Variants in UBE2J2 observed in about 807,000 individuals in gnomAD.
UBE2J2 encodes the protein ubiquitin-conjugating enzyme E2 J2.
In UBE2J2, 5 loss-of-function variants were observed where a neutral mutation model predicts 28.6. The observed-to-expected ratio is 0.17, with a 90% CI of 0.09 to 0.37. The LOEUF is 0.37. Among genes scored for constraint, UBE2J2 ranks in the 10% least tolerant of loss-of-function variants. The probability of loss-of-function intolerance (pLI) is 1.00; values close to 1 mark genes in which losing one functional copy is unlikely to be tolerated. For missense variants in UBE2J2, 226 were observed against 338.9 expected, an observed-to-expected ratio of 0.67 and a Z score of 2.62; for synonymous variants, 138 against 139.7, an observed-to-expected ratio of 0.99 and a Z score of 0.09.
At chr1:1,257,933 C>CCCT (rs1639305897) in intron 3 of UBE2J2, among the ~76,000 whole-genome samples, 1 of 152,180 alleles carries the variant, frequency 6.6e-6, no homozygotes, top group African/African-American at 2.4e-5. Flanking sequence ...ACACGTCCTC[C>CCCT]CCTCCCAAGC....
chr1:1,268,087 A>G lies in UBE2J2; in HGVS notation c.1-95T>C. ...CCCACTCCCGCCTCTGCAGCCCGCCATTCATTCAGGGCCCGGTCACCCAGA... is the reference window on the plus strand; with the variant it reads ...CCCACTCCCGCCTCTGCAGCCCGCCGTTCATTCAGGGCCCGGTCACCCAGA... On this transcript the variant is annotated intron_variant, in intron 1 of 6. Transcript: ENST00000349431. The surrounding 1 kb of genome is among the most constrained non-coding windows in gnomAD (Gnocchi z 4.7). 6.5e-7 allele frequency: 1 copy of G among 1,536,906 alleles called. No homozygotes were observed. Among genetic ancestry groups the G allele is most frequent in the Non-Finnish European group, 8.9e-7 (1 of 1,124,874 alleles).
intron 2 of UBE2J2, among the ~76,000 whole-genome samples, chr1:1,263,824 C>A (rs1356742320): frequency 7.0e-6 from 1 of 141,870 alleles, no homozygotes; most frequent in African/African-American, 2.6e-5. Flanking sequence ...AAGACCCCAC[C>A]TTTATTTAAA....
At position 1,267,917 on chromosome 1, in the gene UBE2J2, T is replaced by C; in HGVS notation, c.76A>G (p.Lys26Glu). 2.5e-6 allele frequency: 4 copies of C among 1,614,108 alleles called. No homozygotes were observed. The highest frequency in any genetic ancestry group is 3.4e-6 in the Non-Finnish European group (4 of 1,179,984). Residue 26 changes from lysine to glutamate, a missense_variant, in exon 2 of 7, where the codon AAA (lysine) becomes GAA (glutamate). Transcript: ENST00000349431. ...GCACAGATGTAAGGCACCGGGTCTTTCTTAATGCGAAGGTAGTCCTGCTTC... is the reference window on the plus strand; with the variant it reads ...GCACAGATGTAAGGCACCGGGTCTTCCTTAATGCGAAGGTAGTCCTGCTTC... ...RLKQDYLRIK[K>E]DPVPYICAEP...
At position 1,262,629 on chromosome 1, in the gene UBE2J2, A is replaced by G. The variant is rs1570559026; in HGVS notation, c.172+717T>C. On this transcript the variant is annotated intron_variant, in intron 3 of 6. Transcript: ENST00000349431. ...GCCGGGGCCCTGTGGCTGGACAGCAACTGCTGACCTGGCCCTGCTCTGCCT... is the reference window on the plus strand; with the variant it reads ...GCCGGGGCCCTGTGGCTGGACAGCAGCTGCTGACCTGGCCCTGCTCTGCCT... Among the ~76,000 whole-genome samples the G allele has an allele frequency of 2.6e-5, 4 of 152,318 alleles. No individual in the cohort carries two copies. In the South Asian group the frequency reaches 8.3e-4, roughly 32 times the overall value.
chr1:1,264,569 CGA>C (rs1238105236), intron 2 of UBE2J2, among the ~76,000 whole-genome samples: 2 of 152,138 alleles, frequency 1.3e-5, no homozygotes, highest in Non-Finnish European at 2.9e-5. Context: ...GTCAGGAATT[CGA>C]GACCAGCCTG....
rs1639094965 is a variant in UBE2J2 at position 1,255,160 on chromosome 1, G to T, written c.*43C>A. On this transcript the variant is annotated 3_prime_UTR_variant, in exon 7 of 7. Coordinates refer to ENST00000349431, the MANE Select transcript of UBE2J2 (RefSeq NM_058167.3). ...CAGCCTGCCGAGGTCACGCTCTGGT[G>T]CGCGGTGCCCTCAGTGGCGCCTTGG... is the stretch of plus-strand genomic sequence containing the variant. 1 of 1,537,606 alleles carries T rather than the reference G, an allele frequency of 6.5e-7. No individual in the cohort carries two copies. The highest frequency in any genetic ancestry group is 1.3e-5 in the South Asian group (1 of 79,762).
At chr1:1,260,614 G>A (rs1241475492) in intron 3 of UBE2J2, among the ~76,000 whole-genome samples, 1 of 152,184 alleles carries the variant, frequency 6.6e-6, no homozygotes, top group Non-Finnish European at 1.5e-5. Context: ...AAATCAGGAA[G>A]CACCCACTTG....
rs964103108 is a variant in UBE2J2, at chr1:1,268,525, G to A, written c.1-533C>T. 3.3e-5 allele frequency among the ~76,000 whole-genome samples: 5 copies of A among 152,098 alleles called. No homozygotes were observed. The highest frequency in any genetic ancestry group is 2.1e-4 in the South Asian group (1 of 4,828). On this transcript the variant is annotated intron_variant, in intron 1 of 6. Coordinates refer to ENST00000349431, the MANE Select transcript of UBE2J2 (RefSeq NM_058167.3). The surrounding 1 kb of genome is among the most constrained non-coding windows in gnomAD (Gnocchi z 4.7). ...AACGGGGGAGCCTCTGCGGCTGGAG[G>A]GACGAGGACTCTGGAGACTCCAAGG...
At chr1:1,260,039 C>A (rs957504400) in intron 3 of UBE2J2, among the ~76,000 whole-genome samples, 6 of 152,218 alleles carry the variant, frequency 3.9e-5, no homozygotes, top group African/African-American at 1.4e-4. Context: ...TCTGCCTCCC[C>A]TGAAGACACA....
chr1:1,266,040 A>G, intron 2 of UBE2J2: 1 of 1,301,916 alleles, frequency 7.7e-7, no homozygotes, highest in Non-Finnish European at 1.0e-6. Context: ...TCCCCACACA[A>G]TGAAGACGTC....
intron 2 of UBE2J2, among the ~76,000 whole-genome samples, chr1:1,267,137 C>T (rs1276517416): frequency 6.6e-6 from 1 of 152,100 alleles, no homozygotes; most frequent in Non-Finnish European, 1.5e-5. Flanking sequence ...GATCCGCCCG[C>T]CTGAGCCTCC....
In UBE2J2 at chr1:1,263,337, A is replaced by G. The variant is rs1036833202; in HGVS notation, c.172+9T>C. Reference sequence around the variant, plus strand: ...CCTGGTGTTCTTCTCCTAAGCACAGAATCCTTACCTTCATAAGGGGTCATC... The same window carrying G: ...CCTGGTGTTCTTCTCCTAAGCACAGGATCCTTACCTTCATAAGGGGTCATC... On this transcript the variant is annotated intron_variant, in intron 3 of 6. Coordinates refer to ENST00000349431, the MANE Select transcript of UBE2J2 (RefSeq NM_058167.3). 2.5e-6 allele frequency: 4 copies of G among 1,612,620 alleles called. No individual in the cohort carries two copies. The highest frequency in any genetic ancestry group is 2.2e-5 in the East Asian group (1 of 44,894).
intron 3 of UBE2J2, among the ~76,000 whole-genome samples, chr1:1,262,019 G>A (rs745410000): frequency 2.6e-5 from 4 of 152,114 alleles, no homozygotes; most frequent in Non-Finnish European, 5.9e-5. Flanking sequence ...TACCACACCC[G>A]GCTAATTTTG....
chr1:1,267,778 C>G (rs1161193127), intron 2 of UBE2J2, 84 bp downstream of exon 2: 1 of 1,577,950 alleles, frequency 6.3e-7, no homozygotes, highest in Non-Finnish European at 8.6e-7. Flanking sequence ...ATGACTGGGG[C>G]ACCAGGCTCG....
chr1:1,260,509 C>A (rs1327309708), intron 3 of UBE2J2, among the ~76,000 whole-genome samples: 1 of 152,202 alleles, frequency 6.6e-6, no homozygotes, highest in East Asian at 1.9e-4. Context: ...TCGGGAAGCC[C>A]CAGACGGCTA....
At chr1:1,262,457 T>G in intron 3 of UBE2J2, 1 of 373,088 alleles carries the variant, frequency 2.7e-6, no homozygotes, top group South Asian at 1.9e-5. Context: ...AGGAGAGCCT[T>G]TTTCATTCTT....
chr1:1,255,298 G>C lies in UBE2J2; in HGVS notation c.685C>G (p.Leu229Val). Residue 229 changes from leucine (L) to valine (V), a missense_variant, in exon 7 of 7, where the codon CTG becomes GTG. Physicochemically the swap from Leu to Val is conservative, Grantham distance 32. Around this residue, in one of 3 missense-constraint regions of UBE2J2, gnomAD observed 133 missense variants for 161.5 expected, o/e 0.82. Transcript: ENST00000349431. ...AACAAGTTCGCCAGGGCGCCACCCA[G>C]GAGTCCGTGGTGCCGGTTGGCCTGC... ...LQQANRHHGL[L>V]GGALANLFVI... The C allele has an allele frequency of 6.2e-7, 1 of 1,613,708 alleles. No individual in the cohort carries two copies. Among genetic ancestry groups the C allele is most frequent in the South Asian group, 1.1e-5 (1 of 91,074 alleles).
chr1:1,265,232 G>A (rs1012769338), intron 2 of UBE2J2, among the ~76,000 whole-genome samples: 5 of 152,168 alleles, frequency 3.3e-5, no homozygotes, highest in Non-Finnish European at 4.4e-5. Flanking sequence ...GTCTTCTCTC[G>A]GGGAAGGGAG....
At chr1:1,260,003 T>A (rs1639462508) in intron 3 of UBE2J2, among the ~76,000 whole-genome samples, 1 of 152,102 alleles carries the variant, frequency 6.6e-6, no homozygotes, top group South Asian at 2.1e-4. Flanking sequence ...CTCCCATAGA[T>A]CCTAAATGAA....
Sources: allele counts gnomAD v4.1 joint callset (sites outside exome capture counted in the v4.1 genomes callset), GRCh38; gene constraint gnomAD v4.1.1; regional missense constraint gnomAD v4.1.1; non-coding constraint Gnocchi (gnomAD v3.1); transcripts MANE v1.5; gene names NCBI Gene and HGNC (gene_info 2026-07-23, HGNC 2026-07-21).